Variants in CD8B observed in about 807,000 individuals in gnomAD.
The protein encoded by CD8B is CD8 subunit beta.
In CD8B, 6 loss-of-function variants were observed where a neutral mutation model predicts 24.2. The ratio of observed to expected loss-of-function variants is 0.25; its 90% confidence interval spans 0.14 to 0.49. The LOEUF is 0.49. Among genes scored for constraint, CD8B ranks in the 20% least tolerant of loss-of-function variants. The pLI is 0.98. For missense variants in CD8B, 196 were observed against 271.3 expected (o/e 0.72, Z 1.95); for synonymous variants, 84 against 108.3 (o/e 0.78, Z 1.39).
In CD8B at chr2:86,841,417, C is replaced by T. The variant is rs1234855883; in HGVS notation, c.*890G>A. 2.1e-5 allele frequency: 5 copies of T among 236,380 alleles called. No individual in the cohort carries two copies. The highest frequency in any genetic ancestry group is 6.6e-5 in the Admixed American group (1 of 15,242). The allele number at this position is 236,380 out of a possible 1,614,324, so 14.6% of individuals were successfully genotyped here. On this transcript the variant is annotated 3_prime_UTR_variant, in exon 6 of 6. Transcript: ENST00000390655. Reference sequence around the variant, plus strand: ...GCAGCCTGGCTCTGGGTGCCCTGGGCGCTTCCTAGCCTCTCTAGGACTCTC... The same window carrying T: ...GCAGCCTGGCTCTGGGTGCCCTGGGTGCTTCCTAGCCTCTCTAGGACTCTC...
At chr2:86,829,201 G>A (rs1674812486) in intron 5 of CD8B, among the ~76,000 whole-genome samples, 1 of 146,974 alleles carries the variant, frequency 6.8e-6, no homozygotes, top group Non-Finnish European at 1.5e-5. Context: ...CTGGGTTTAA[G>A]CGATTTCCCC....
At chr2:86,818,511 T>C (rs1361352394) in intron 5 of CD8B, among the ~76,000 whole-genome samples, 1 of 152,214 alleles carries the variant, frequency 6.6e-6, no homozygotes, top group Non-Finnish European at 1.5e-5. Flanking sequence ...TTCATTATTA[T>C]TGTGTCTGTT....
At chr2:86,854,869 C>T in intron 2 of CD8B, among the ~76,000 whole-genome samples, 1 of 151,966 alleles carries the variant, frequency 6.6e-6, no homozygotes, top group East Asian at 1.9e-4. Context: ...GCCTGTAATC[C>T]CAGCACTTTG....
chr2:86,827,591 C>T (rs927954591), intron 5 of CD8B, among the ~76,000 whole-genome samples: 1 of 149,544 alleles, frequency 6.7e-6, no homozygotes, highest in African/African-American at 2.5e-5. Flanking sequence ...CACTGCACTC[C>T]AGCCTGGGTC....
intron 3 of CD8B, among the ~76,000 whole-genome samples, chr2:86,849,764 C>T (rs1438582342): frequency 7.1e-6 from 1 of 141,612 alleles, no homozygotes; most frequent in East Asian, 2.1e-4. Context: ...AGTGCAATGG[C>T]GTGATCTCGG....
At chr2:86,847,714 C>T (rs141809816) in intron 3 of CD8B, among the ~76,000 whole-genome samples, 1,995 of 152,114 alleles carry the variant, frequency 0.013, 56 homozygotes, top group African/African-American at 0.046. Flanking sequence ...TACAGGCGTC[C>T]GCCGTCATGC....
In CD8B at chr2:86,840,109, G is replaced by A. The variant is rs1558755268; in HGVS notation, c.*2198C>T. ...GAATCAAGGAGAAACATCTATGTCC[G>A]GGGGCAGGGAATCTGAGGCCAATTT... On this transcript the variant is annotated 3_prime_UTR_variant, in exon 6 of 6. Transcript: ENST00000390655. Among the ~76,000 whole-genome samples the A allele has an allele frequency of 2.0e-5, 3 of 151,988 alleles. No individual in the cohort carries two copies. The highest frequency in any genetic ancestry group is 2.1e-4 in the South Asian group (1 of 4,812).
At chr2:86,822,421 T>G in intron 5 of CD8B, 1 of 1,181,422 alleles carries the variant, frequency 8.5e-7, no homozygotes, top group Non-Finnish European at 1.2e-6. Flanking sequence ...TTAAAAGCAA[T>G]GGAAATGTTC....
Position 86,858,308 on chromosome 2 carries a change from C to T in CD8B, c.152G>A (p.Arg51His), listed in dbSNP as rs772468080. ...CEAKISLSNM[R>H]IYWLRQRQAP... is the part of the protein sequence containing the mutation. ...CTGGCGCTGTCTCAGCCAGTAGATG[C>T]GCATGTTACTGAGGGAGATTTTAGC... The change falls in exon 2 of 6, where the codon CGC becomes CAC. Residue 51 changes from arginine (R) to histidine (H), a missense_variant. Arg to His is a conservative substitution (Grantham distance 29). Transcript: ENST00000390655. 9.3e-6 allele frequency: 15 copies of T among 1,613,946 alleles called. No homozygotes were observed. The highest frequency in any genetic ancestry group is 8.8e-5 in the South Asian group (8 of 91,068).
rs1052756119 is a variant in CD8B, at chr2:86,838,342, C to T, written c.*3965G>A. 8.5e-5 allele frequency among the ~76,000 whole-genome samples: 13 copies of T among 152,090 alleles called. No homozygotes were observed. The highest frequency in any genetic ancestry group is 2.9e-4 in the African/African-American group (12 of 41,474). On this transcript the variant is annotated 3_prime_UTR_variant, in exon 6 of 6. Coordinates refer to ENST00000390655, the MANE Select transcript of CD8B (RefSeq NM_004931.5). ...CTGTACATATACAAACAAATATACCCGGAGGCCTTGATTTATTATTAGAGA... is the reference window on the plus strand; with the variant it reads ...CTGTACATATACAAACAAATATACCTGGAGGCCTTGATTTATTATTAGAGA...
chr2:86,855,152 A>C (rs1462133875), intron 2 of CD8B, among the ~76,000 whole-genome samples: 1 of 151,642 alleles, frequency 6.6e-6, no homozygotes, highest in East Asian at 1.9e-4. Flanking sequence ...TGTAAGGGGG[A>C]ACAGGCAGGG....
At chr2:86,854,113 A>G (rs1212694199) in intron 2 of CD8B, among the ~76,000 whole-genome samples, 3 of 152,078 alleles carry the variant, frequency 2.0e-5, no homozygotes, top group Non-Finnish European at 4.4e-5. Flanking sequence ...TGATTTCCTT[A>G]TCTGCTGAAA....
chr2:86,821,683 C>A, intron 5 of CD8B: 1 of 422,390 alleles, frequency 2.4e-6, no homozygotes, highest in South Asian at 1.6e-5. Context: ...TGTGGACCCC[C>A]AAATGGAACA....
chr2:86,852,900 AC>A (rs1463442599), intron 3 of CD8B, 96 bp downstream of exon 3: 4 of 1,431,354 alleles, frequency 2.8e-6, no homozygotes, highest in Non-Finnish European at 3.8e-6. Flanking sequence ...TCTAGAGTTG[AC>A]ACTTGGAAAG....
At chr2:86,830,222 CCCAG>C (rs1674854613) in intron 5 of CD8B, among the ~76,000 whole-genome samples, 1 of 152,102 alleles carries the variant, frequency 6.6e-6, no homozygotes, top group Non-Finnish European at 1.5e-5. Flanking sequence ...AGCCACAGGT[CCCAG>C]CCAGTTTTTA....
At chr2:86,852,943 G>T in intron 3 of CD8B, 54 bp downstream of exon 3, 1 of 1,299,716 alleles carries the variant, frequency 7.7e-7, no homozygotes, top group Non-Finnish European at 1.1e-6. Context: ...GAGGGAGGGA[G>T]GGCAAGGGGA....
chr2:86,831,102 CT>C, intron 5 of CD8B, among the ~76,000 whole-genome samples: 1 of 152,202 alleles, frequency 6.6e-6, no homozygotes, highest in Non-Finnish European at 1.5e-5. Context: ...CGGAGTCTTG[CT>C]GTGTTGTCCA....
chr2:86,834,455 G>A (rs1160935122), downstream of CD8B, among the ~76,000 whole-genome samples: 1 of 133,166 alleles, frequency 7.5e-6, no homozygotes, highest in Non-Finnish European at 1.6e-5. Flanking sequence ...GTGTGAATCA[G>A]CTTTCTTCTC....
In CD8B at chr2:86,839,913, A is replaced by C. The variant is rs1355685355; in HGVS notation, c.*2394T>G. 2.0e-5 allele frequency among the ~76,000 whole-genome samples: 3 copies of C among 152,134 alleles called. No homozygotes were observed. Among genetic ancestry groups the C allele is most frequent in the East Asian group, 1.9e-4 (1 of 5,190 alleles). On this transcript the variant is annotated 3_prime_UTR_variant, in exon 6 of 6. Coordinates refer to ENST00000390655, the MANE Select transcript of CD8B (RefSeq NM_004931.5). ...GGCCCACCTGAAACACGAACCCTAG[A>C]GGAGTCTGGTCCAGCTGACCCCAAT...
Sources: allele counts gnomAD v4.1 joint callset (sites outside exome capture counted in the v4.1 genomes callset), GRCh38; gene constraint gnomAD v4.1.1; transcripts MANE v1.5; gene names NCBI Gene and HGNC (gene_info 2026-07-23, HGNC 2026-07-21).